VIRMA: variants seen among roughly 807,000 people sequenced by gnomAD.
VIRMA encodes the protein vir like m6A methyltransferase associated, also known as protein virilizer homolog.
A neutral mutation model predicts 182.4 loss-of-function variants in VIRMA; 65 were observed. The ratio of observed to expected loss-of-function variants is 0.36; its 90% confidence interval spans 0.29 to 0.44. The LOEUF is 0.44. VIRMA is among the 20% of genes least tolerant of loss of function. VIRMA has a pLI of 1.00. For synonymous variants in VIRMA, 709 were observed against 743.1 expected (o/e 0.95, Z 0.75); for missense variants, 1,752 against 2,158.1 (o/e 0.81, Z 3.73).
chr8:94,544,605 G>A (rs2130390634), intron 1 of VIRMA, among the ~76,000 whole-genome samples: 1 of 148,476 alleles, frequency 6.7e-6, no homozygotes. Flanking sequence ...AGCTTGCAGT[G>A]TGCTGAGATC....
chr8:94,506,549 T>C lies in VIRMA; in HGVS notation c.4048A>G (p.Thr1350Ala), dbSNP rs1814159623. 1 of 1,613,570 alleles carries C rather than the reference T, an allele frequency of 6.2e-7. No homozygotes were observed. ...SYNCLLTCVR[T>A]MMFLAEHDYG... ...TCATGCTCTGCAAGAAACATCATTG[T>C]TCTGACACATGTCAGTAAACAGTTG... Residue 1350 changes from threonine to alanine, a missense_variant, in exon 16 of 24, where the codon ACA (threonine) becomes GCA (alanine). Thr to Ala is a moderately conservative substitution (Grantham distance 58). Around this residue, in one of 11 missense-constraint regions of VIRMA, gnomAD observed 777 missense variants for 920.6 expected, o/e 0.84. Coordinates refer to ENST00000297591, the MANE Select transcript of VIRMA (RefSeq NM_015496.5).
intron 8 of VIRMA, 100 bp from the exon 9 acceptor site, chr8:94,519,576 A>G (rs752977679): frequency 8.2e-7 from 1 of 1,223,544 alleles, no homozygotes; most frequent in Non-Finnish European, 1.1e-6. Context: ...AATGACCATA[A>G]TCCTTATCCT....
At chr8:94,540,056 A>C (rs1349949777) in intron 2 of VIRMA, among the ~76,000 whole-genome samples, 2 of 152,242 alleles carry the variant, frequency 1.3e-5, no homozygotes, top group African/African-American at 4.8e-5. Context: ...TGTTAAAGTA[A>C]CACAAAATGG....
rs186292207 is a variant in VIRMA, at chr8:94,519,473, A to C, written c.2025T>G (p.Tyr675Ter). 6.6e-7 allele frequency: 1 copy of C among 1,521,784 alleles called. No homozygotes were observed. Among genetic ancestry groups the C allele is most frequent in the African/African-American group, 1.4e-5 (1 of 71,734 alleles). 94.3% of individuals were successfully genotyped at this position (1,521,784 alleles called of 1,614,324 possible). A position where few individuals can be genotyped will look rare whatever the true frequency, so the allele number is the denominator to read the frequency against. The stretch of plus-strand genomic sequence containing the variant: ...ACTCCAAGAAGTGATGACTGTGAAG[A>C]TATCTGTGGAAGAGTTAATTGATAC... ...RDDPYPVLFRYLHSHHFLELV... is the reference protein window; with the variant it reads ...RDDPYPVLFR The change falls in exon 9 of 24, where the codon TAT (tyrosine) becomes TAG (stop). Residue 675 changes from tyrosine (Y) to a stop codon, truncating the protein, a stop_gained. Transcript: ENST00000297591. LOFTEE classifies it high-confidence loss of function.
At chr8:94,545,771 C>G (rs1022672294) in intron 1 of VIRMA, among the ~76,000 whole-genome samples, 5 of 152,116 alleles carry the variant, frequency 3.3e-5, no homozygotes, top group African/African-American at 1.2e-4. Flanking sequence ...CACAAAAGTG[C>G]AGGCTGGGAG....
At chr8:94,553,157 G>A (rs915697391) in intron 1 of VIRMA, among the ~76,000 whole-genome samples, 2 of 152,054 alleles carry the variant, frequency 1.3e-5, no homozygotes, top group African/African-American at 4.8e-5. Flanking sequence ...AAGCAGAAAA[G>A]CCAACTCGAC....
Position 94,526,720 on chromosome 8 carries a change from G to A in VIRMA, c.1524C>T (p.Asp508=). Residue 508 remains aspartate (D), a synonymous_variant, in exon 8 of 24, where the codon GAC becomes GAT. Transcript: ENST00000297591. ...TTCCTTCTGTCATACTAATGACACTGTCCAAAGCTTTAAAAGCATTTAACT... is the reference window on the plus strand; with the variant it reads ...TTCCTTCTGTCATACTAATGACACTATCCAAAGCTTTAAAAGCATTTAACT... ...SLKLNAFKAL[D]SVISMTEGME... 1.2e-5 allele frequency: 20 copies of A among 1,613,784 alleles called. No individual in the cohort carries two copies. The highest frequency in any genetic ancestry group is 1.6e-5 in the Non-Finnish European group (19 of 1,180,010).
chr8:94,526,362 T>C lies in VIRMA; in HGVS notation c.1882A>G (p.Ile628Val). 6 of 1,614,174 alleles carry C rather than the reference T, an allele frequency of 3.7e-6. No homozygotes were observed. The highest frequency in any genetic ancestry group is 5.1e-6 in the Non-Finnish European group (6 of 1,180,002). ...TGAAAAACTTCTTCTAGGAGGTTAATAAGCCTTTCTATTTCCCCTTCACTT... is the reference window on the plus strand; with the variant it reads ...TGAAAAACTTCTTCTAGGAGGTTAACAAGCCTTTCTATTTCCCCTTCACTT... ...NISEGEIERL[I>V]NLLEEVFHLM... The change falls in exon 8 of 24, where the codon ATT (isoleucine) becomes GTT (valine). Residue 628 changes from isoleucine (I) to valine (V), a missense_variant. Around this residue, in one of 11 missense-constraint regions of VIRMA, gnomAD observed 401 missense variants for 455.1 expected, o/e 0.88. Coordinates refer to ENST00000297591, the MANE Select transcript of VIRMA (RefSeq NM_015496.5).
chr8:94,519,591 A>G, intron 8 of VIRMA, 115 bp from the exon 9 acceptor site: 1 of 1,030,480 alleles, frequency 9.7e-7, no homozygotes, highest in Admixed American at 2.7e-5. Flanking sequence ...TATCCTCAGT[A>G]ATATACTGCT....
rs1814377884 is a variant in VIRMA, at chr8:94,511,605, A to G, written c.2970T>C (p.His990=). The change falls in exon 13 of 24, where the codon CAT becomes CAC. Residue 990 remains histidine, a synonymous_variant. Coordinates refer to ENST00000297591, the MANE Select transcript of VIRMA (RefSeq NM_015496.5). ...NSILTQPWRL[H]VNMGTTLHRV... Reference sequence around the variant, plus strand: ...TGTGAAGGGTAGTCCCCATGTTGACATGGAGCCTCCAAGGCTGAGTCAGAA... The same window carrying G: ...TGTGAAGGGTAGTCCCCATGTTGACGTGGAGCCTCCAAGGCTGAGTCAGAA... 6.2e-7 allele frequency: 1 copy of G among 1,614,082 alleles called. No homozygotes were observed. The highest frequency in any genetic ancestry group is 1.3e-5 in the African/African-American group (1 of 74,934).
At chr8:94,491,314 C>CAA (rs58089312) in intron 22 of VIRMA, among the ~76,000 whole-genome samples, 13 of 141,056 alleles carry the variant, frequency 9.2e-5, no homozygotes, top group Admixed American at 2.8e-4. Flanking sequence ...ACTCTTGTCT[C>CAA]AAAAAAAAAA....
At chr8:94,534,347 CA>C (rs1402010908) in intron 5 of VIRMA, 1 of 155,538 alleles carries the variant, frequency 6.4e-6, no homozygotes, top group African/African-American at 2.4e-5. Flanking sequence ...CACTAGATTG[CA>C]TTATCATTAA....
intron 15 of VIRMA, among the ~76,000 whole-genome samples, chr8:94,507,207 C>G (rs1814185407): frequency 6.7e-6 from 1 of 150,188 alleles, no homozygotes; most frequent in African/African-American, 2.4e-5. Context: ...ATGATCTCGG[C>G]TCACTGCAAC....
At chr8:94,513,522 G>C (rs1358448937) in intron 11 of VIRMA, among the ~76,000 whole-genome samples, 2 of 151,922 alleles carry the variant, frequency 1.3e-5, no homozygotes, top group East Asian at 3.9e-4. Context: ...AGGCAGCAGG[G>C]AGACACAGAG....
At chr8:94,541,128 CTTT>C (rs34039726) in intron 2 of VIRMA, among the ~76,000 whole-genome samples, 2 of 145,500 alleles carry the variant, frequency 1.4e-5, no homozygotes, top group Admixed American at 6.9e-5. Flanking sequence ...ATTGTTATTA[CTTT>C]TTTTTTTTTT....
chr8:94,499,532 G>A (rs749005309), intron 16 of VIRMA, 26 bp from the exon 17 acceptor site: 1 of 1,366,190 alleles, frequency 7.3e-7, no homozygotes, highest in Admixed American at 2.0e-5. Flanking sequence ...ATAAAGAGAA[G>A]ATATTATCTT....
intron 15 of VIRMA, 88 bp from the exon 16 acceptor site, chr8:94,506,805 T>TC: frequency 5.8e-6 from 4 of 695,208 alleles, no homozygotes; most frequent in Non-Finnish European, 9.8e-6. Flanking sequence ...CAATTAATAT[T>TC]CAATAACTAT....
At chr8:94,548,948 C>T (rs1643736667) in intron 1 of VIRMA, among the ~76,000 whole-genome samples, 1 of 145,188 alleles carries the variant, frequency 6.9e-6, no homozygotes, top group Non-Finnish European at 1.5e-5. Context: ...TGAGCCACCG[C>T]GTTTGCTATG....
chr8:94,527,766 T>G (rs946133019), intron 7 of VIRMA, among the ~76,000 whole-genome samples: 1 of 151,576 alleles, frequency 6.6e-6, no homozygotes, highest in Non-Finnish European at 1.5e-5. Context: ...CAAAAAAAAC[T>G]GGTTGTTTTA....
Sources: allele counts gnomAD v4.1 joint callset (sites outside exome capture counted in the v4.1 genomes callset), GRCh38; gene constraint gnomAD v4.1.1; regional missense constraint gnomAD v4.1.1; transcripts MANE v1.5; gene names NCBI Gene and HGNC (gene_info 2026-07-23, HGNC 2026-07-21).